The following KRTAP17-1 variants were observed in gnomAD, a reference collection of about 807,000 sequenced individuals.
KRTAP17-1 encodes keratin associated protein 17-1.
Under a neutral mutation model 10.4 loss-of-function variants are expected in KRTAP17-1, and 2 were observed. The ratio of observed to expected loss-of-function variants is 0.19; its 90% confidence interval spans 0.08 to 0.61. The LOEUF (loss-of-function observed/expected upper bound fraction) is 0.61. Ranked by LOEUF, KRTAP17-1 falls within the 20% of genes least tolerant of loss-of-function variation. The probability of loss-of-function intolerance (pLI) is 0.89; values close to 1 mark genes in which losing one functional copy is unlikely to be tolerated. For missense variants in KRTAP17-1, 143 were observed against 136.8 expected (o/e 1.05, Z -0.23); for synonymous variants, 62 against 52.7 (o/e 1.18, Z -0.77).
In KRTAP17-1 at chr17:41,315,246, A is replaced by G; in HGVS notation, c.*87T>C. On this transcript the variant is annotated 3_prime_UTR_variant, in exon 1 of 1. Coordinates refer to ENST00000334202, the MANE Select transcript of KRTAP17-1 (RefSeq NM_031964.2). ...AAAGACAAGACACTGTCTTGGGGGT[A>G]TGGAAGGTTCTGGACACGAGGGGCT... 3 of 1,278,442 alleles carry G rather than the reference A, an allele frequency of 2.3e-6. No individual in the cohort carries two copies. The highest frequency in any genetic ancestry group is 1.4e-5 in the South Asian group (1 of 73,714). The allele number at this position is 1,278,442 out of a possible 1,614,324, so 79.2% of individuals were successfully genotyped here. A position where few individuals can be genotyped will look rare whatever the true frequency, so the allele number is the denominator to read the frequency against.
Position 41,315,656 on chromosome 17 carries a change from G to A in KRTAP17-1, c.-6C>T, listed in dbSNP as rs757074721. ...TCCCCCGGGCAGCACCCCATGGTCC[G>A]GGCCCGTCAGCTCGCAGGTCGGTAA... On this transcript the variant is annotated 5_prime_UTR_variant, in exon 1 of 1. Coordinates refer to ENST00000334202, the MANE Select transcript of KRTAP17-1 (RefSeq NM_031964.2). 1.9e-6 allele frequency: 3 copies of A among 1,585,864 alleles called. No individual in the cohort carries two copies. The highest frequency in any genetic ancestry group is 1.1e-5 in the South Asian group (1 of 87,710).
In KRTAP17-1 at chr17:41,315,113, T is replaced by C; in HGVS notation, c.*220A>G. 1.7e-6 allele frequency: 1 copy of C among 577,046 alleles called. No individual in the cohort carries two copies. The highest frequency in any genetic ancestry group is 3.1e-6 in the Non-Finnish European group (1 of 325,468). The allele number at this position is 577,046 out of a possible 1,614,324, so 35.7% of individuals were successfully genotyped here. On this transcript the variant is annotated 3_prime_UTR_variant, in exon 1 of 1. Transcript: ENST00000334202. The stretch of plus-strand genomic sequence containing the variant: ...GATTCACCCTTGAGCTTGGGATCAC[T>C]TAGTTGTGACCGAGTTTTAATGTTT...
At position 41,315,243 on chromosome 17, in the gene KRTAP17-1, G is replaced by A. The variant is rs1218590196; in HGVS notation, c.*90C>T. On this transcript the variant is annotated 3_prime_UTR_variant, in exon 1 of 1. Coordinates refer to ENST00000334202, the MANE Select transcript of KRTAP17-1 (RefSeq NM_031964.2). ...CAGAAAGACAAGACACTGTCTTGGGGGTATGGAAGGTTCTGGACACGAGGG... is the reference window on the plus strand; with the variant it reads ...CAGAAAGACAAGACACTGTCTTGGGAGTATGGAAGGTTCTGGACACGAGGG... 1 of 1,249,234 alleles carries A rather than the reference G, an allele frequency of 8.0e-7. No homozygotes were observed. Among genetic ancestry groups the A allele is most frequent in the East Asian group, 2.3e-5 (1 of 42,850 alleles). The allele number at this position is 1,249,234 out of a possible 1,614,324, so 77.4% of individuals were successfully genotyped here. A position where few individuals can be genotyped will look rare whatever the true frequency, so the allele number is the denominator to read the frequency against.
chr17:41,315,631 TC>T lies in KRTAP17-1; in HGVS notation c.19del (p.Asp7ThrfsTer107). 1 of 1,607,724 alleles carries T rather than the reference TC, an allele frequency of 6.2e-7. No individual in the cohort carries two copies. MGCCPG[D>X]CFTCCTQEQN... is the part of the protein sequence containing the mutation. Reference sequence around the variant, plus strand: ...CTCCTGGGTGCAGCAGGTGAAGCAGTCCCCCGGGCAGCACCCCATGGTCCGG... The same window carrying T: ...CTCCTGGGTGCAGCAGGTGAAGCAGTCCCCGGGCAGCACCCCATGGTCCGG... On this transcript the variant is annotated frameshift_variant, in exon 1 of 1. Coordinates refer to ENST00000334202, the MANE Select transcript of KRTAP17-1 (RefSeq NM_031964.2). LOFTEE classifies it high-confidence loss of function.
At position 41,315,663 on chromosome 17, in the gene KRTAP17-1, T is replaced by A. The variant is rs748350365; in HGVS notation, c.-13A>T. 11 of 1,579,796 alleles carry A rather than the reference T, an allele frequency of 7.0e-6. No homozygotes were observed. Among genetic ancestry groups the A allele is most frequent in the African/African-American group, 5.4e-5 (4 of 74,498 alleles). ...GGCAGCACCCCATGGTCCGGGCCCG[T>A]CAGCTCGCAGGTCGGTAACGCAGCC... On this transcript the variant is annotated 5_prime_UTR_variant, in exon 1 of 1. Transcript: ENST00000334202.
chr17:41,315,123 C>T lies in KRTAP17-1; in HGVS notation c.*210G>A, dbSNP rs892132116. 1 of 583,182 alleles carries T rather than the reference C, an allele frequency of 1.7e-6. No homozygotes were observed. The highest frequency in any genetic ancestry group is 3.0e-6 in the Non-Finnish European group (1 of 330,534). 36.1% of individuals were successfully genotyped at this position (583,182 alleles called of 1,614,324 possible). A position where few individuals can be genotyped will look rare whatever the true frequency, so the allele number is the denominator to read the frequency against. ...TGAGCTTGGGATCACTTAGTTGTGA[C>T]CGAGTTTTAATGTTTCATCAGAGTA... On this transcript the variant is annotated 3_prime_UTR_variant, in exon 1 of 1. Coordinates refer to ENST00000334202, the MANE Select transcript of KRTAP17-1 (RefSeq NM_031964.2).
At position 41,314,945 on chromosome 17, in the gene KRTAP17-1, A is replaced by G. The variant is rs1409549119; in HGVS notation, c.*388T>C. ...TGCCAGCATGCTCAAATTTATTAAG[A>G]GGCTCACAAAGAAGATGGACCTTTT... is the stretch of plus-strand genomic sequence containing the variant. On this transcript the variant is annotated 3_prime_UTR_variant, in exon 1 of 1. Transcript: ENST00000334202. The G allele has an allele frequency of 5.6e-6, 1 of 179,456 alleles. No individual in the cohort carries two copies. The highest frequency in any genetic ancestry group is 5.8e-5 in the Admixed American group (1 of 17,224). The allele number at this position is 179,456 out of a possible 1,614,324, so 11.1% of individuals were successfully genotyped here. A position where few individuals can be genotyped will look rare whatever the true frequency, so the allele number is the denominator to read the frequency against.
chr17:41,315,539 A>G lies in KRTAP17-1; in HGVS notation c.112T>C (p.Cys38Arg), dbSNP rs2017050093. The G allele has an allele frequency of 1.2e-6, 2 of 1,605,790 alleles. No individual in the cohort carries two copies. Among genetic ancestry groups the G allele is most frequent in the Non-Finnish European group, 1.7e-6 (2 of 1,175,646 alleles). ...GAGCCCCCGCAGCCAGAGCCCCCACAGCCACAGCAGGAGCCGCAGCAGCCA... is the reference window on the plus strand; with the variant it reads ...GAGCCCCCGCAGCCAGAGCCCCCACGGCCACAGCAGGAGCCGCAGCAGCCA... ...CCGCCGSCCG[C>R]GGSGCGGSGC... Residue 38 changes from cysteine (C) to arginine (R), a missense_variant, in exon 1 of 1, where the codon TGT becomes CGT. Physicochemically the swap from Cys to Arg is radical, Grantham distance 180. Transcript: ENST00000334202.
rs772486455 is a variant in KRTAP17-1, at chr17:41,315,670, G to T, written c.-20C>A. On this transcript the variant is annotated 5_prime_UTR_variant, in exon 1 of 1. Coordinates refer to ENST00000334202, the MANE Select transcript of KRTAP17-1 (RefSeq NM_031964.2). ...CCCCATGGTCCGGGCCCGTCAGCTC[G>T]CAGGTCGGTAACGCAGCCGGAGTTC... The T allele has an allele frequency of 1.3e-6, 2 of 1,572,184 alleles. No homozygotes were observed. The highest frequency in any genetic ancestry group is 3.5e-5 in the Admixed American group (2 of 57,150).
Position 41,315,504 on chromosome 17 carries a change from C to T in KRTAP17-1, c.147G>A (p.Gly49=), listed in dbSNP as rs577925182. The change falls in exon 1 of 1, where the codon GGG becomes GGA. Residue 49 remains glycine (G), a synonymous_variant. Transcript: ENST00000334202. ...GGSGCGGSGC[G]GSCCGSSCCG... is the part of the protein sequence containing the mutation. Reference sequence around the variant, plus strand: ...AGCAAGACGATCCGCAGCAGCTGCCCCCGCAGCCAGAGCCCCCGCAGCCAG... The same window carrying T: ...AGCAAGACGATCCGCAGCAGCTGCCTCCGCAGCCAGAGCCCCCGCAGCCAG... 2.4e-4 allele frequency: 257 copies of T among 1,074,342 alleles called. 4 individuals carry two copies. The South Asian group carries it at 3.9e-3, about 16-fold the overall frequency. 66.6% of individuals were successfully genotyped at this position (1,074,342 alleles called of 1,614,324 possible).
Position 41,315,149 on chromosome 17 carries a change from T to C in KRTAP17-1, c.*184A>G, listed in dbSNP as rs1190009106. Reference sequence around the variant, plus strand: ...CGAGTTTTAATGTTTCATCAGAGTATGGCTCTTGTTCTCGGTGCCTTGAAA... The same window carrying C: ...CGAGTTTTAATGTTTCATCAGAGTACGGCTCTTGTTCTCGGTGCCTTGAAA... On this transcript the variant is annotated 3_prime_UTR_variant, in exon 1 of 1. Transcript: ENST00000334202. The C allele has an allele frequency of 6.5e-6, 4 of 619,162 alleles. No homozygotes were observed. The highest frequency in any genetic ancestry group is 3.7e-5 in the African/African-American group (2 of 54,288). The allele number at this position is 619,162 out of a possible 1,614,324, so 38.4% of individuals were successfully genotyped here.
Position 41,315,491 on chromosome 17 carries a change from C to T in KRTAP17-1, c.160G>A (p.Gly54Arg), listed in dbSNP as rs556363411. The change falls in exon 1 of 1, where the codon GGA becomes AGA. Residue 54 changes from glycine to arginine, a missense_variant. Transcript: ENST00000334202. ...CAGCCAGATCCACAGCAAGACGATCCGCAGCAGCTGCCCCCGCAGCCAGAG... is the reference window on the plus strand; with the variant it reads ...CAGCCAGATCCACAGCAAGACGATCTGCAGCAGCTGCCCCCGCAGCCAGAG... ...GGSGCGGSCC[G>R]SSCCGSGCGG... 77 of 1,597,650 alleles carry T rather than the reference C, an allele frequency of 4.8e-5. No homozygotes were observed. The East Asian group carries it at 1.7e-3, about 35-fold the overall frequency.
Position 41,314,975 on chromosome 17 carries a change from A to T in KRTAP17-1, c.*358T>A. ...CACAAAGAAGATGGACCTTTTTTGC[A>T]TCTCAAAGCTGCAGAAAGCCAGGGC... On this transcript the variant is annotated 3_prime_UTR_variant, in exon 1 of 1. Transcript: ENST00000334202. 4.8e-6 allele frequency: 1 copy of T among 210,366 alleles called. No individual in the cohort carries two copies. The highest frequency in any genetic ancestry group is 9.4e-6 in the Non-Finnish European group (1 of 105,850). 13.0% of individuals were successfully genotyped at this position (210,366 alleles called of 1,614,324 possible). A position where few individuals can be genotyped will look rare whatever the true frequency, so the allele number is the denominator to read the frequency against.
At position 41,315,423 on chromosome 17, in the gene KRTAP17-1, A is replaced by G. The variant is rs2017045692; in HGVS notation, c.228T>C (p.Cys76=). 6.2e-7 allele frequency: 1 copy of G among 1,611,300 alleles called. No individual in the cohort carries two copies. Among genetic ancestry groups the G allele is most frequent in the Non-Finnish European group, 8.5e-7 (1 of 1,179,198 alleles). ...AACTGGACCCACAGCAACTGGATCCACAGCAGCCACCCCCGCAGCCTCCGC... is the reference window on the plus strand; with the variant it reads ...AACTGGACCCACAGCAACTGGATCCGCAGCAGCCACCCCCGCAGCCTCCGC... ...GGCGGCGGGC[C]GSSCCGSSCC... Residue 76 remains cysteine, a synonymous_variant, in exon 1 of 1, where the codon TGT becomes TGC. Coordinates refer to ENST00000334202, the MANE Select transcript of KRTAP17-1 (RefSeq NM_031964.2).
In KRTAP17-1 at chr17:41,315,108, A is replaced by G; in HGVS notation, c.*225T>C. On this transcript the variant is annotated 3_prime_UTR_variant, in exon 1 of 1. Coordinates refer to ENST00000334202, the MANE Select transcript of KRTAP17-1 (RefSeq NM_031964.2). ...TTGGGGATTCACCCTTGAGCTTGGG[A>G]TCACTTAGTTGTGACCGAGTTTTAA... 1 of 559,374 alleles carries G rather than the reference A, an allele frequency of 1.8e-6. No homozygotes were observed. Among genetic ancestry groups the G allele is most frequent in the Non-Finnish European group, 3.2e-6 (1 of 315,638 alleles). The allele number at this position is 559,374 out of a possible 1,614,324, so 34.7% of individuals were successfully genotyped here.
rs752933376 is a variant in KRTAP17-1 at position 41,315,505 on chromosome 17, CCG to C, written c.144_145del (p.Cys48TrpfsTer100). 2.8e-6 allele frequency: 3 copies of C among 1,075,066 alleles called. No individual in the cohort carries two copies. The African/African-American group carries it at 7.4e-5, about 27-fold the overall frequency. The allele number at this position is 1,075,066 out of a possible 1,614,324, so 66.6% of individuals were successfully genotyped here. On this transcript the variant is annotated frameshift_variant, in exon 1 of 1. Coordinates refer to ENST00000334202, the MANE Select transcript of KRTAP17-1 (RefSeq NM_031964.2). LOFTEE classifies it high-confidence loss of function. ...GCAAGACGATCCGCAGCAGCTGCCCCCGCAGCCAGAGCCCCCGCAGCCAGAGC... is the reference window on the plus strand; with the variant it reads ...GCAAGACGATCCGCAGCAGCTGCCCCCAGCCAGAGCCCCCGCAGCCAGAGC...
In KRTAP17-1 at chr17:41,315,670, G is replaced by A. The variant is rs772486455; in HGVS notation, c.-20C>T. On this transcript the variant is annotated 5_prime_UTR_variant, in exon 1 of 1. Transcript: ENST00000334202. ...CCCCATGGTCCGGGCCCGTCAGCTC[G>A]CAGGTCGGTAACGCAGCCGGAGTTC... The A allele has an allele frequency of 3.8e-6, 6 of 1,572,184 alleles. No homozygotes were observed. Among genetic ancestry groups the A allele is most frequent in the Non-Finnish European group, 5.2e-6 (6 of 1,155,620 alleles).
In KRTAP17-1 at chr17:41,315,564, A is replaced by G. The variant is rs765133249; in HGVS notation, c.87T>C (p.Cys29=). The change falls in exon 1 of 1, where the codon TGT becomes TGC. Residue 29 remains cysteine, a synonymous_variant. Transcript: ENST00000334202. The stretch of plus-strand genomic sequence containing the variant: ...AGCCACAGCAGGAGCCGCAGCAGCC[A>G]CAGCAGCCCGGCTGACAGCAGCACT... ...CEECCCQPGC[C]GCCGSCCGCG... is the part of the protein sequence containing the mutation. The G allele has an allele frequency of 1.9e-6, 3 of 1,613,372 alleles. No individual in the cohort carries two copies. The highest frequency in any genetic ancestry group is 2.7e-5 in the African/African-American group (2 of 74,926).
chr17:41,315,301 T>G lies in KRTAP17-1; in HGVS notation c.*32A>C, dbSNP rs755726388. On this transcript the variant is annotated 3_prime_UTR_variant, in exon 1 of 1. Coordinates refer to ENST00000334202, the MANE Select transcript of KRTAP17-1 (RefSeq NM_031964.2). ...CCCTGGAGCAGATGGAGGCTTTCGG[T>G]GGGACTGCATCAGTGGTGGAGGGAA... The G allele has an allele frequency of 6.4e-7, 1 of 1,569,638 alleles. No individual in the cohort carries two copies. Among genetic ancestry groups the G allele is most frequent in the South Asian group, 1.2e-5 (1 of 85,794 alleles).
Sources: gnomAD v4.1 joint callset for allele counts on GRCh38, gnomAD v4.1.1 for gene constraint, MANE v1.5 for transcripts, NCBI Gene and HGNC (gene_info 2026-07-23, HGNC 2026-07-21) for gene names.